Variants in NIN observed in about 807,000 individuals in gnomAD.
NIN encodes ninein.
NIN carries 137 observed loss-of-function variants against 257.6 expected under a neutral mutation model. That is an observed-to-expected ratio of 0.53 (90% CI 0.46 to 0.61). NIN has a LOEUF of 0.61. NIN is among the 20% of genes least tolerant of loss of function. NIN has a pLI of 0.00. For missense variants in NIN, 2,439 were observed against 2,501.2 expected, an observed-to-expected ratio of 0.98 and a Z score of 0.53; for synonymous variants, 918 against 919.8, an observed-to-expected ratio of 1.00 and a Z score of 0.04.
intron 4 of NIN, among the ~76,000 whole-genome samples, chr14:50,803,397 A>G (rs1452047314): frequency 6.6e-6 from 1 of 152,204 alleles, no homozygotes; most frequent in Admixed American, 6.5e-5. Context: ...TTCTGGTATA[A>G]GATGAACTAA....
At chr14:50,820,171 C>T (rs2045132331) in intron 3 of NIN, among the ~76,000 whole-genome samples, 1 of 152,182 alleles carries the variant, frequency 6.6e-6, no homozygotes, top group South Asian at 2.1e-4. Flanking sequence ...ATCACTGGCT[C>T]ACTAAGTAAA....
At chr14:50,734,499 TA>T (rs2040878610) in intron 28 of NIN, among the ~76,000 whole-genome samples, 1 of 152,232 alleles carries the variant, frequency 6.6e-6, no homozygotes, top group African/African-American at 2.4e-5. Context: ...ATAAGTCTTA[TA>T]GTTCACTAAA....
At chr14:50,736,180 T>A (rs1184216986) in intron 27 of NIN, among the ~76,000 whole-genome samples, 3 of 146,514 alleles carry the variant, frequency 2.0e-5, no homozygotes, top group Non-Finnish European at 3.0e-5. Context: ...TCACCCAGGC[T>A]GGAGTGCAGT....
At chr14:50,731,397 G>T (rs1446934475) in intron 28 of NIN, among the ~76,000 whole-genome samples, 1 of 151,976 alleles carries the variant, frequency 6.6e-6, no homozygotes, top group Non-Finnish European at 1.5e-5. Flanking sequence ...AGGCATGGTG[G>T]CACGTCGCCT....
At chr14:50,770,769 A>G in intron 11 of NIN, 83 bp downstream of exon 11, 1 of 1,495,030 alleles carries the variant, frequency 6.7e-7, no homozygotes. Flanking sequence ...TCCCCAGTGC[A>G]CTGTTCTGCC....
intron 12 of NIN, among the ~76,000 whole-genome samples, chr14:50,769,765 G>A (rs1000956076): frequency 1.3e-5 from 2 of 152,102 alleles, no homozygotes; most frequent in African/African-American, 4.8e-5. Context: ...GCCTCTGAAA[G>A]TGCTGGGATT....
chr14:50,803,007 C>G (rs2044164109), intron 4 of NIN, among the ~76,000 whole-genome samples: 1 of 152,170 alleles, frequency 6.6e-6, no homozygotes, highest in East Asian at 1.9e-4. Context: ...TAAAGGTAAC[C>G]TTTTATCTCA....
At chr14:50,725,518 T>G (rs1189198992) in intron 30 of NIN, among the ~76,000 whole-genome samples, 2 of 152,132 alleles carry the variant, frequency 1.3e-5, no homozygotes, top group African/African-American at 4.8e-5. Context: ...TAAAGTTCCA[T>G]TTATTATCCC....
rs1226442687 is a variant in NIN at position 50,766,566 on chromosome 14, C to T, written c.1546-170G>A. On this transcript the variant is annotated intron_variant, in intron 13 of 30. Coordinates refer to ENST00000530997, the MANE Select transcript of NIN (RefSeq NM_020921.4). The stretch of plus-strand genomic sequence containing the variant: ...TGATGGGGAGAACGCACTAGAGTGA[C>T]GTGTTCAATGAACACAGGGATCATT... 2.6e-5 allele frequency among the ~76,000 whole-genome samples: 4 copies of T among 152,156 alleles called. No individual in the cohort carries two copies. In the South Asian group the frequency reaches 6.2e-4, roughly 24 times the overall value.
At chr14:50,747,541 C>G (rs932066654) in intron 22 of NIN, among the ~76,000 whole-genome samples, 2 of 152,050 alleles carry the variant, frequency 1.3e-5, no homozygotes, top group Admixed American at 6.5e-5. Context: ...CAAGACCAGC[C>G]TGGCCAACAT....
rs2040239556 is a variant in NIN, at chr14:50,719,882, T to A, written c.*3581A>T. On this transcript the variant is annotated 3_prime_UTR_variant, in exon 31 of 31. Coordinates refer to ENST00000530997, the MANE Select transcript of NIN (RefSeq NM_020921.4). The stretch of plus-strand genomic sequence containing the variant: ...TAAAATCTTTCTAGGATAGAATGGC[T>A]AAGATGAAATATACAAAGCTGATAT... 4.8e-6 allele frequency: 1 copy of A among 206,334 alleles called. No homozygotes were observed. Among genetic ancestry groups the A allele is most frequent in the Non-Finnish European group, 9.9e-6 (1 of 100,794 alleles). 12.8% of individuals were successfully genotyped at this position (206,334 alleles called of 1,614,324 possible).
intron 29 of NIN, among the ~76,000 whole-genome samples, chr14:50,728,569 T>C (rs1356893434): frequency 1.3e-5 from 2 of 152,162 alleles, no homozygotes; most frequent in Non-Finnish European, 2.9e-5. Flanking sequence ...AAATAAGAGA[T>C]AGGAAATTCC....
Position 50,739,373 on chromosome 14 carries a change from C to T in NIN, c.5563G>A (p.Glu1855Lys), listed in dbSNP as rs2041161319. Reference sequence around the variant, plus strand: ...ACCATGGTCTGGAGCCTCTCATTCTCTTGCCAAAGCAGCTGCTGTTCCTCA... The same window carrying T: ...ACCATGGTCTGGAGCCTCTCATTCTTTTGCCAAAGCAGCTGCTGTTCCTCA... The part of the protein sequence containing the change: ...MNEEQQLLWQ[E>K]NERLQTMVQN... The change falls in exon 26 of 31, where the codon GAG becomes AAG. Residue 1855 changes from glutamate to lysine, a missense_variant. Physicochemically the swap from Glu to Lys is moderately conservative, Grantham distance 56. Coordinates refer to ENST00000530997, the MANE Select transcript of NIN (RefSeq NM_020921.4). The T allele has an allele frequency of 6.2e-7, 1 of 1,614,242 alleles. No individual in the cohort carries two copies. Among genetic ancestry groups the T allele is most frequent in the East Asian group, 2.2e-5 (1 of 44,882 alleles).
At chr14:50,824,443 T>C (rs2045372686) in intron 2 of NIN, among the ~76,000 whole-genome samples, 2 of 152,202 alleles carry the variant, frequency 1.3e-5, no homozygotes, top group Admixed American at 1.3e-4. Flanking sequence ...GCACCACCCC[T>C]GTGGAACAAA....
At chr14:50,795,085 T>G (rs1225944501) in intron 4 of NIN, among the ~76,000 whole-genome samples, 3 of 152,226 alleles carry the variant, frequency 2.0e-5, no homozygotes, top group African/African-American at 7.2e-5. Context: ...GTTAATATCC[T>G]TCATAGAACG....
At chr14:50,801,271 A>G (rs1395862891) in intron 4 of NIN, among the ~76,000 whole-genome samples, 4 of 152,104 alleles carry the variant, frequency 2.6e-5, no homozygotes, top group Non-Finnish European at 5.9e-5. Flanking sequence ...TTGTATTTTT[A>G]GTAGAGACGG....
At position 50,730,483 on chromosome 14, in the gene NIN, A is replaced by G. The variant is rs552236205; in HGVS notation, c.5878-760T>C. Among the ~76,000 whole-genome samples the G allele has an allele frequency of 1.0e-3, 154 of 152,254 alleles. 3 individuals carry two copies. In the South Asian group the frequency reaches 0.031, roughly 31 times the overall value. On this transcript the variant is annotated intron_variant, in intron 28 of 30. Coordinates refer to ENST00000530997, the MANE Select transcript of NIN (RefSeq NM_020921.4). The stretch of plus-strand genomic sequence containing the variant: ...GCATGCAACAAACATTACCAAGACT[A>G]AACTCAAGAAGCGGCACCTCCAGGC...
chr14:50,752,792 A>AAC, intron 20 of NIN, 59 bp from the exon 21 acceptor site: 1 of 978,762 alleles, frequency 1.0e-6, no homozygotes, highest in Non-Finnish European at 1.5e-6. Context: ...TAAAAAAAAA[A>AAC]AAAAACAGAT....
intron 28 of NIN, among the ~76,000 whole-genome samples, chr14:50,733,143 A>C (rs1302045781): frequency 2.6e-5 from 4 of 151,458 alleles, no homozygotes; most frequent in Non-Finnish European, 5.9e-5. Flanking sequence ...CCTAGGCTGG[A>C]GTGCAGTGGC....
Sources: gnomAD v4.1 joint callset for allele counts (sites outside exome capture counted in the v4.1 genomes callset) on GRCh38, gnomAD v4.1.1 for gene constraint, MANE v1.5 for transcripts, NCBI Gene and HGNC (gene_info 2026-07-23, HGNC 2026-07-21) for gene names.